Variants in PTPRN2 observed in about 807,000 individuals in gnomAD.
PTPRN2 encodes protein tyrosine phosphatase receptor type N2.
Under a neutral mutation model 118.8 loss-of-function variants are expected in PTPRN2, and 74 were observed. That is an observed-to-expected ratio of 0.62 (90% confidence interval 0.52 to 0.76). PTPRN2 has a LOEUF of 0.76. PTPRN2 is among the 30% of genes least tolerant of loss of function. The pLI is 0.00. For missense variants in PTPRN2, 1,481 were observed against 1,394.4 expected, an observed-to-expected ratio of 1.06 and a Z score of -0.99; for synonymous variants, 641 against 608.0, an observed-to-expected ratio of 1.05 and a Z score of -0.80.
intron 3 of PTPRN2, among the ~76,000 whole-genome samples, chr7:158,297,237 G>T (rs1161539488): frequency 6.6e-6 from 1 of 152,206 alleles, no homozygotes; most frequent in Non-Finnish European, 1.5e-5. Flanking sequence ...ATTTCAGATT[G>T]ATCATCATTC....
At position 157,751,223 on chromosome 7, in the gene PTPRN2, G is replaced by A. The variant is rs112385270; in HGVS notation, c.1789-68286C>T. 2.6e-3 allele frequency among the ~76,000 whole-genome samples: 397 copies of A among 152,300 alleles called. 1 individual carries two copies. The highest frequency in any genetic ancestry group is 9.0e-3 in the African/African-American group (376 of 41,568). ...CATGCTGACATGTGAAGGGAAGCTCGTGGATGGGGGGCACAAGGCAATATC... is the reference window on the plus strand; with the variant it reads ...CATGCTGACATGTGAAGGGAAGCTCATGGATGGGGGGCACAAGGCAATATC... On this transcript the variant is annotated intron_variant, in intron 12 of 22. Coordinates refer to ENST00000389418, the MANE Select transcript of PTPRN2 (RefSeq NM_002847.5).
chr7:157,557,194 AAC>A (rs1414723198), intron 21 of PTPRN2, among the ~76,000 whole-genome samples: 1 of 149,936 alleles, frequency 6.7e-6, no homozygotes, highest in Non-Finnish European at 1.5e-5. Context: ...CACACCACAC[AAC>A]ACACACACCC....
intron 11 of PTPRN2, among the ~76,000 whole-genome samples, chr7:158,042,596 G>C (rs1224665493): frequency 2.0e-5 from 3 of 152,198 alleles, no homozygotes; most frequent in Non-Finnish European, 4.4e-5. Context: ...CTGAGTTCAC[G>C]TTTTTGCTGT....
chr7:158,144,829 C>T (rs1203237657), intron 6 of PTPRN2, among the ~76,000 whole-genome samples: 1 of 152,154 alleles, frequency 6.6e-6, no homozygotes. Flanking sequence ...GTGTGTCGAC[C>T]CACCCTGAAC....
Position 157,610,412 on chromosome 7 carries a change from G to A in PTPRN2, c.2345-6337C>T, listed in dbSNP as rs938781284. ...TCATGTTGATGGTGTGGCCTGTGGAGAGGTGGAGCCGGTGTCTTGCTCCTA... is the reference window on the plus strand; with the variant it reads ...TCATGTTGATGGTGTGGCCTGTGGAAAGGTGGAGCCGGTGTCTTGCTCCTA... On this transcript the variant is annotated intron_variant, in intron 15 of 22. Coordinates refer to ENST00000389418, the MANE Select transcript of PTPRN2 (RefSeq NM_002847.5). The surrounding 1 kb of genome is among the most constrained non-coding windows in gnomAD (Gnocchi z 5.1). 5.3e-5 allele frequency among the ~76,000 whole-genome samples: 8 copies of A among 152,246 alleles called. No individual in the cohort carries two copies. Among genetic ancestry groups the A allele is most frequent in the Non-Finnish European group, 1.0e-4 (7 of 68,050 alleles).
intron 2 of PTPRN2, among the ~76,000 whole-genome samples, chr7:158,318,023 G>A (rs113209632): frequency 6.6e-6 from 1 of 152,150 alleles, no homozygotes; most frequent in Non-Finnish European, 1.5e-5. Context: ...AGGAGGAGAC[G>A]CCAGGCCCGC....
At position 157,990,193 on chromosome 7, in the gene PTPRN2, C is replaced by A. The variant is rs570287009; in HGVS notation, c.1723+91105G>T. ...ATGTGAGTGCGAGCCCAGGGCAGAG[C>A]GGGCCCAGATAAATAATTCATGAGC... On this transcript the variant is annotated intron_variant, in intron 11 of 22. Transcript: ENST00000389418. This position sits in a 1 kb window ranked among gnomAD's most constrained non-coding sequence, Gnocchi z 4.3. Among the ~76,000 whole-genome samples the A allele has an allele frequency of 6.6e-6, 1 of 151,680 alleles. No individual in the cohort carries two copies. Among genetic ancestry groups the A allele is most frequent in the Non-Finnish European group, 1.5e-5 (1 of 67,984 alleles).
chr7:157,859,810 C>T (rs1453777493), intron 12 of PTPRN2, among the ~76,000 whole-genome samples: 2 of 118,260 alleles, frequency 1.7e-5, no homozygotes, highest in Non-Finnish European at 3.6e-5. Flanking sequence ...CAGGGAGAGT[C>T]CCCCAGCCAC....
chr7:157,584,408 A>C (rs1366885269), intron 17 of PTPRN2, among the ~76,000 whole-genome samples: 1 of 152,316 alleles, frequency 6.6e-6, no homozygotes, highest in East Asian at 1.9e-4. Flanking sequence ...CATTTCTAAG[A>C]GGCCGTTTGG....
At chr7:158,128,343 C>T (rs1377386946) in intron 9 of PTPRN2, among the ~76,000 whole-genome samples, 1 of 152,180 alleles carries the variant, frequency 6.6e-6, no homozygotes, top group African/African-American at 2.4e-5. Context: ...GTGCTGTCTT[C>T]ACCAGATAGC....
intron 1 of PTPRN2, chr7:158,532,596 TG>T: frequency 2.4e-6 from 1 of 424,854 alleles, no homozygotes; most frequent in Admixed American, 2.9e-5. Context: ...GGAAAAAACA[TG>T]GGTAAAAAGT....
chr7:158,243,754 G>A (rs1796026143), intron 3 of PTPRN2, among the ~76,000 whole-genome samples: 1 of 150,742 alleles, frequency 6.6e-6, no homozygotes, highest in Non-Finnish European at 1.5e-5. Context: ...TACCTCCTGA[G>A]TCATAGTCTC....
chr7:157,663,653 C>T (rs6965223), intron 13 of PTPRN2, among the ~76,000 whole-genome samples: 9,092 of 152,198 alleles, frequency 0.06, 647 homozygotes, highest in East Asian at 0.22. Flanking sequence ...TCCCTCTCCA[C>T]CCTTCCCTGG....
chr7:157,674,313 G>A lies in PTPRN2; in HGVS notation c.2001+8412C>T, dbSNP rs1283355375. ...GCCTCCCCAGGAGGCGAGGGTGGGG[G>A]GACTCCTGCTGGAGGCGGCCGGCAG... On this transcript the variant is annotated intron_variant, in intron 13 of 22. Transcript: ENST00000389418. This position sits in a 1 kb window ranked among gnomAD's most constrained non-coding sequence, Gnocchi z 4.5. Among the ~76,000 whole-genome samples, 3 of 152,130 alleles carry A rather than the reference G, an allele frequency of 2.0e-5. No homozygotes were observed. Among genetic ancestry groups the A allele is most frequent in the East Asian group, 1.9e-4 (1 of 5,164 alleles).
intron 6 of PTPRN2, among the ~76,000 whole-genome samples, chr7:158,156,919 TC>T (rs1486602907): frequency 1.3e-5 from 2 of 151,912 alleles, no homozygotes; most frequent in Non-Finnish European, 2.9e-5. Flanking sequence ...CTGGAAGGCC[TC>T]CCCATTGTGC....
intron 22 of PTPRN2, among the ~76,000 whole-genome samples, chr7:157,548,177 C>G (rs1798420059): frequency 6.6e-6 from 1 of 152,184 alleles, no homozygotes; most frequent in Non-Finnish European, 1.5e-5. Context: ...GATCGTGCCA[C>G]TGCACTCCAG....
At chr7:157,865,354 T>C (rs1810577244) in intron 12 of PTPRN2, 1 of 152,254 alleles carries the variant, frequency 6.6e-6, no homozygotes, top group South Asian at 2.1e-4. Context: ...TCCTAACTGA[T>C]CTGCTACCTG....
At chr7:157,542,655 T>A (rs906572604) in intron 22 of PTPRN2, among the ~76,000 whole-genome samples, 1 of 152,182 alleles carries the variant, frequency 6.6e-6, no homozygotes, top group African/African-American at 2.4e-5. Flanking sequence ...TTTCCAACAC[T>A]GCACAGTCAC....
intron 2 of PTPRN2, among the ~76,000 whole-genome samples, chr7:158,447,183 T>A (rs1817781764): frequency 6.6e-6 from 1 of 152,046 alleles, no homozygotes; most frequent in African/African-American, 2.4e-5. Flanking sequence ...CTGGAGTTCC[T>A]CTCTGGGCCT....
Sources: gnomAD v4.1 joint callset for allele counts (sites outside exome capture counted in the v4.1 genomes callset) on GRCh38, gnomAD v4.1.1 for gene constraint, Gnocchi (gnomAD v3.1) non-coding constraint, MANE v1.5 for transcripts, NCBI Gene and HGNC (gene_info 2026-07-23, HGNC 2026-07-21) for gene names.